GRID2: variants seen among roughly 807,000 people sequenced by gnomAD.
GRID2 encodes the protein glutamate ionotropic receptor delta type subunit 2, also known as glutamate receptor ionotropic, delta-2.
GRID2 carries 33 observed loss-of-function variants against 114.8 expected under a neutral mutation model. That is an observed-to-expected ratio of 0.29 (90% confidence interval 0.22 to 0.38). The LOEUF (loss-of-function observed/expected upper bound fraction) is 0.38. Among genes scored for constraint, GRID2 ranks in the 10% least tolerant of loss-of-function variants. The pLI, the probability that GRID2 is intolerant of heterozygous loss-of-function variation, is 1.00. For missense variants in GRID2, 1,184 were observed against 1,257.7 expected (o/e 0.94, Z 0.89); for synonymous variants, 505 against 449.9 (o/e 1.12, Z -1.55).
chr4:93,701,873 C>T (rs1461334980), intron 14 of GRID2, among the ~76,000 whole-genome samples: 1 of 151,800 alleles, frequency 6.6e-6, no homozygotes. Flanking sequence ...AAATTTAAGA[C>T]AGTTTATTAA....
At chr4:92,741,237 A>G (rs1276551750) in intron 2 of GRID2, among the ~76,000 whole-genome samples, 1 of 152,160 alleles carries the variant, frequency 6.6e-6, no homozygotes, top group African/African-American at 2.4e-5. Flanking sequence ...CCTATCTCAT[A>G]GATGGTTGTG....
intron 13 of GRID2, among the ~76,000 whole-genome samples, chr4:93,526,180 A>G (rs1301978305): frequency 6.6e-6 from 1 of 152,124 alleles, no homozygotes; most frequent in Non-Finnish European, 1.5e-5. Context: ...TGCTGTTCTC[A>G]CAATAGTGAG....
At chr4:93,391,527 C>G (rs1029366078) in intron 8 of GRID2, among the ~76,000 whole-genome samples, 1 of 152,092 alleles carries the variant, frequency 6.6e-6, no homozygotes, top group Non-Finnish European at 1.5e-5. Flanking sequence ...TCATTTGTTC[C>G]ATATGAATAC....
intron 3 of GRID2, among the ~76,000 whole-genome samples, chr4:93,099,581 T>A (rs1202806056): frequency 6.6e-6 from 1 of 151,848 alleles, no homozygotes; most frequent in East Asian, 1.9e-4. Flanking sequence ...TATGTACACT[T>A]TTTGTTACCC....
intron 1 of GRID2, among the ~76,000 whole-genome samples, chr4:92,512,298 C>T (rs949695170): frequency 6.6e-6 from 1 of 151,750 alleles, no homozygotes; most frequent in Non-Finnish European, 1.5e-5. Context: ...TGGCTTTCAC[C>T]TTTTGGCCGT....
At chr4:93,068,308 A>C (rs1338676930) in intron 2 of GRID2, among the ~76,000 whole-genome samples, 2 of 152,102 alleles carry the variant, frequency 1.3e-5, no homozygotes, top group South Asian at 2.1e-4. Flanking sequence ...TACAATGGTC[A>C]CTGTGTACAA....
chr4:93,498,790 T>C (rs1293045805), intron 12 of GRID2, among the ~76,000 whole-genome samples: 1 of 151,916 alleles, frequency 6.6e-6, no homozygotes, highest in Non-Finnish European at 1.5e-5. Context: ...TTTTCTTTGC[T>C]GGATAGAATT....
intron 8 of GRID2, among the ~76,000 whole-genome samples, chr4:93,385,530 G>C (rs563720882): frequency 7.9e-5 from 12 of 152,162 alleles, no homozygotes; most frequent in Admixed American, 7.2e-4. Context: ...TTGTATACTA[G>C]GCCTGTTCCA....
At chr4:93,208,150 T>C (rs1560987406) in intron 5 of GRID2, among the ~76,000 whole-genome samples, 1 of 151,962 alleles carries the variant, frequency 6.6e-6, no homozygotes, top group East Asian at 1.9e-4. Flanking sequence ...TCATACCTAT[T>C]ATTTATGAAT....
chr4:93,525,838 G>A (rs1277098962), intron 13 of GRID2, among the ~76,000 whole-genome samples: 2 of 152,034 alleles, frequency 1.3e-5, no homozygotes, highest in African/African-American at 2.4e-5. Flanking sequence ...GGATTTTCCA[G>A]CTTTCTAGTT....
chr4:92,939,347 G>T (rs185380135), intron 2 of GRID2, among the ~76,000 whole-genome samples: 7 of 147,672 alleles, frequency 4.7e-5, no homozygotes, highest in Non-Finnish European at 1.5e-5. Flanking sequence ...GTGTCTGTTG[G>T]CTGCATAAAT....
chr4:93,250,693 A>G (rs1296633443), intron 8 of GRID2, among the ~76,000 whole-genome samples: 1 of 147,104 alleles, frequency 6.8e-6, no homozygotes, highest in Non-Finnish European at 1.5e-5. Flanking sequence ...ATATATATAT[A>G]AAATGTGCAT....
At chr4:93,326,575 A>G (rs2149219174) in intron 8 of GRID2, among the ~76,000 whole-genome samples, 1 of 152,188 alleles carries the variant, frequency 6.6e-6, no homozygotes, top group Admixed American at 6.5e-5. Context: ...TGAGAGAGCC[A>G]ATCCAATTAT....
chr4:92,836,876 A>AG (rs1742498525), intron 2 of GRID2, among the ~76,000 whole-genome samples: 1 of 152,166 alleles, frequency 6.6e-6, no homozygotes, highest in East Asian at 1.9e-4. Flanking sequence ...GGAATAGAAG[A>AG]GGAATCTTTG....
At chr4:92,470,300 A>G (rs1721971321) in intron 1 of GRID2, among the ~76,000 whole-genome samples, 2 of 151,882 alleles carry the variant, frequency 1.3e-5, no homozygotes, top group South Asian at 4.1e-4. Context: ...ATCATTAAAA[A>G]CTTCCAAAGG....
At chr4:93,240,368 C>T (rs180799903) in intron 8 of GRID2, among the ~76,000 whole-genome samples, 4 of 151,410 alleles carry the variant, frequency 2.6e-5, no homozygotes, top group Non-Finnish European at 4.4e-5. Flanking sequence ...TTTACATTTC[C>T]CTGATTATGA....
At chr4:92,878,013 T>G (rs891386378) in intron 2 of GRID2, among the ~76,000 whole-genome samples, 4 of 152,250 alleles carry the variant, frequency 2.6e-5, no homozygotes, top group South Asian at 2.1e-4. Context: ...AATACTCAAT[T>G]TGTACCATTC....
intron 1 of GRID2, among the ~76,000 whole-genome samples, chr4:92,454,374 T>C (rs923455637): frequency 6.6e-6 from 1 of 152,230 alleles, no homozygotes; most frequent in Admixed American, 6.5e-5. Flanking sequence ...AGTTTCCTTA[T>C]ATAAATTTTT....
intron 4 of GRID2, among the ~76,000 whole-genome samples, chr4:93,124,117 G>GAAAAAAAAAAAAAAAAAAAA (rs67692016): frequency 7.0e-6 from 1 of 143,804 alleles, no homozygotes; most frequent in Non-Finnish European, 1.5e-5. Context: ...AAAAAAAAAA[G>GAAAAAAAAAAAAAAAAAAAA]AAAAAAAAAA....
Sources: gnomAD v4.1 joint callset for allele counts (sites outside exome capture counted in the v4.1 genomes callset) on GRCh38, gnomAD v4.1.1 for gene constraint, MANE v1.5 for transcripts, NCBI Gene and HGNC (gene_info 2026-07-23, HGNC 2026-07-21) for gene names.